ADAMTS6: variants seen among roughly 807,000 people sequenced by gnomAD.
The protein encoded by ADAMTS6 is ADAM metallopeptidase with thrombospondin type 1 motif 6.
In ADAMTS6, 23 loss-of-function variants were observed where a neutral mutation model predicts 144.3. The observed-to-expected ratio is 0.16, with a 90% CI of 0.11 to 0.23. The LOEUF is 0.23. ADAMTS6 is among the 10% of genes least tolerant of loss of function. ADAMTS6 has a pLI of 1.00. For missense variants in ADAMTS6, 999 were observed against 1,379.6 expected (o/e 0.72, Z 4.37); for synonymous variants, 444 against 457.5 (o/e 0.97, Z 0.38).
At chr5:65,184,187 A>C (rs1754532190) in intron 22 of ADAMTS6, among the ~76,000 whole-genome samples, 1 of 152,218 alleles carries the variant, frequency 6.6e-6, no homozygotes, top group Admixed American at 6.5e-5. Flanking sequence ...GCTTCAGCTT[A>C]ATGTTCCATG....
chr5:65,302,344 AAT>A (rs1201683245), intron 9 of ADAMTS6, among the ~76,000 whole-genome samples: 1 of 145,728 alleles, frequency 6.9e-6, no homozygotes, highest in African/African-American at 2.5e-5. Flanking sequence ...ATATACATAT[AAT>A]ATGTGTATTA....
At chr5:65,239,150 G>A (rs1017408641) in intron 15 of ADAMTS6, among the ~76,000 whole-genome samples, 4 of 151,886 alleles carry the variant, frequency 2.6e-5, no homozygotes, top group African/African-American at 9.7e-5. Context: ...ATAGCATTAG[G>A]AGATATACCT....
intron 12 of ADAMTS6, among the ~76,000 whole-genome samples, chr5:65,272,331 A>G (rs1762117149): frequency 6.6e-6 from 1 of 152,156 alleles, no homozygotes; most frequent in South Asian, 2.1e-4. Flanking sequence ...ACAAACTGCT[A>G]CTATCTGTTT....
Position 65,151,757 on chromosome 5 carries a change from C to A in ADAMTS6, c.*79G>T. On this transcript the variant is annotated 3_prime_UTR_variant, in exon 25 of 25. Coordinates refer to ENST00000381055, the MANE Select transcript of ADAMTS6 (RefSeq NM_197941.4). ...TAATGCATTTGCAAGGACATCAATC[C>A]TCTTCCTCTGGGTGGCTCTCTTTGA... 7.8e-7 allele frequency: 1 copy of A among 1,289,842 alleles called. No homozygotes were observed. The highest frequency in any genetic ancestry group is 1.3e-5 in the South Asian group (1 of 78,874). 79.9% of individuals were successfully genotyped at this position (1,289,842 alleles called of 1,614,324 possible).
At chr5:65,440,803 T>C (rs557228831) in intron 7 of ADAMTS6, among the ~76,000 whole-genome samples, 1 of 152,210 alleles carries the variant, frequency 6.6e-6, no homozygotes, top group Non-Finnish European at 1.5e-5. Flanking sequence ...CTTGCCTCAG[T>C]ACTGGGGAAT....
At chr5:65,417,186 T>G (rs1024400910) in intron 7 of ADAMTS6, among the ~76,000 whole-genome samples, 2 of 152,148 alleles carry the variant, frequency 1.3e-5, no homozygotes, top group Non-Finnish European at 2.9e-5. Flanking sequence ...CATCCCTTTA[T>G]GACAAAAACC....
chr5:65,208,979 T>C (rs1247285182), intron 20 of ADAMTS6, among the ~76,000 whole-genome samples: 1 of 152,224 alleles, frequency 6.6e-6, no homozygotes, highest in Non-Finnish European at 1.5e-5. Flanking sequence ...AAATTGTTGG[T>C]AGAACATTGC....
At chr5:65,233,370 G>A (rs146299473) in intron 15 of ADAMTS6, among the ~76,000 whole-genome samples, 1 of 152,038 alleles carries the variant, frequency 6.6e-6, no homozygotes, top group African/African-American at 2.4e-5. Context: ...TAAAAGGCAT[G>A]CAAGATGGAA....
At chr5:65,238,725 C>A (rs1203105450) in intron 15 of ADAMTS6, among the ~76,000 whole-genome samples, 1 of 151,968 alleles carries the variant, frequency 6.6e-6, no homozygotes, top group Non-Finnish European at 1.5e-5. Flanking sequence ...ACTCAGGAAT[C>A]GATTTAGTAA....
At chr5:65,421,518 C>T (rs1436484869) in intron 7 of ADAMTS6, among the ~76,000 whole-genome samples, 1 of 152,190 alleles carries the variant, frequency 6.6e-6, no homozygotes, top group Non-Finnish European at 1.5e-5. Context: ...TTCACATTTA[C>T]TTAAGATGGC....
intron 22 of ADAMTS6, among the ~76,000 whole-genome samples, chr5:65,179,991 G>A (rs978661495): frequency 6.6e-6 from 1 of 151,656 alleles, no homozygotes; most frequent in Non-Finnish European, 1.5e-5. Flanking sequence ...CATCCCCCAG[G>A]AGCCAGCTGA....
At chr5:65,164,199 C>T (rs866527346) in intron 24 of ADAMTS6, among the ~76,000 whole-genome samples, 13 of 151,874 alleles carry the variant, frequency 8.6e-5, no homozygotes, top group African/African-American at 1.2e-4. Flanking sequence ...CGAAGCAGGG[C>T]GAGGCATTGC....
chr5:65,414,134 T>C (rs577896439), intron 7 of ADAMTS6, among the ~76,000 whole-genome samples: 6 of 152,298 alleles, frequency 3.9e-5, no homozygotes, highest in East Asian at 1.9e-4. Context: ...TCTGAATGAA[T>C]AGGCCTTGCT....
chr5:65,480,701 A>C (rs906653859), intron 1 of ADAMTS6, among the ~76,000 whole-genome samples: 2 of 152,212 alleles, frequency 1.3e-5, no homozygotes, highest in Admixed American at 6.5e-5. Flanking sequence ...GGTCCCATAC[A>C]CCATATATAC....
intron 7 of ADAMTS6, among the ~76,000 whole-genome samples, chr5:65,387,008 GAAC>G (rs1752529243): frequency 6.6e-6 from 1 of 152,170 alleles, no homozygotes; most frequent in South Asian, 2.1e-4. Flanking sequence ...ATGGAAAGAA[GAAC>G]AATAATGCAA....
chr5:65,262,606 C>T (rs1761296265), intron 13 of ADAMTS6, among the ~76,000 whole-genome samples: 1 of 152,126 alleles, frequency 6.6e-6, no homozygotes, highest in Admixed American at 6.5e-5. Flanking sequence ...CTATTTTTTA[C>T]ATTTTATTTT....
chr5:65,416,747 TTAA>T (rs1248646713), intron 7 of ADAMTS6, among the ~76,000 whole-genome samples: 1 of 77,822 alleles, frequency 1.3e-5, no homozygotes, highest in African/African-American at 1.1e-4. Context: ...AAGACTCCAT[TTAA>T]AAAAAAAAAA....
At chr5:65,412,914 T>G (rs1452557020) in intron 7 of ADAMTS6, among the ~76,000 whole-genome samples, 2 of 152,198 alleles carry the variant, frequency 1.3e-5, no homozygotes, top group Non-Finnish European at 2.9e-5. Flanking sequence ...TACAATTCTC[T>G]AATTATATGC....
rs7708439 is a variant in ADAMTS6 at position 65,478,674 on chromosome 5, T to A, written c.-280+2669A>T. ...CCTCAAAAATGTGAAATAATAGATA[T>A]GATGATGGAGTCAATCAACTAGTTA... On this transcript the variant is annotated intron_variant, in intron 1 of 24. Transcript: ENST00000381055. Among the ~76,000 whole-genome samples the A allele has an allele frequency of 8.8e-3, 1,337 of 152,342 alleles. 17 individuals carry two copies. The highest frequency in any genetic ancestry group is 0.03 in the African/African-American group (1,255 of 41,568).
Sources: gnomAD v4.1 joint callset for allele counts (sites outside exome capture counted in the v4.1 genomes callset) on GRCh38, gnomAD v4.1.1 for gene constraint, MANE v1.5 for transcripts, NCBI Gene and HGNC (gene_info 2026-07-23, HGNC 2026-07-21) for gene names.